GALNT14: variants seen among roughly 807,000 people sequenced by gnomAD.
GALNT14 encodes the protein polypeptide N-acetylgalactosaminyltransferase 14, also known as UDP-GalNAc:polypeptide N-acetylgalactosaminyltransferase 14.
A neutral mutation model predicts 77.5 loss-of-function variants in GALNT14; 60 were observed. The observed-to-expected ratio is 0.77, with a 90% CI of 0.63 to 0.96. GALNT14 has a LOEUF of 0.96. Ranked by LOEUF, GALNT14 falls within the 40% of genes least tolerant of loss-of-function variation. The pLI, the probability that GALNT14 is intolerant of heterozygous loss-of-function variation, is 0.00. For synonymous variants in GALNT14, 280 were observed against 281.7 expected (o/e 0.99, Z 0.06); for missense variants, 710 against 731.0 (o/e 0.97, Z 0.33).
chr2:30,899,865 GA>G, the GALNT14 span, among the ~76,000 whole-genome samples: 1 of 152,220 alleles, frequency 6.6e-6, no homozygotes, highest in African/African-American at 2.4e-5. Context: ...GATGATGCGG[GA>G]AAAGAGGCTC....
intron 2 of GALNT14, among the ~76,000 whole-genome samples, chr2:30,968,185 G>A (rs1265342797): frequency 6.6e-6 from 1 of 152,220 alleles, no homozygotes; most frequent in Non-Finnish European, 1.5e-5. Flanking sequence ...ACTAGAACAG[G>A]GTTTAAGTAT....
intron 2 of GALNT14, among the ~76,000 whole-genome samples, chr2:30,991,848 G>A (rs1324170376): frequency 3.3e-5 from 5 of 152,184 alleles, no homozygotes; most frequent in Non-Finnish European, 5.9e-5. Flanking sequence ...AACTGCCAGA[G>A]GAATCAGCCT....
chr2:31,097,833 G>A (rs908666281), intron 1 of GALNT14, among the ~76,000 whole-genome samples: 9 of 152,076 alleles, frequency 5.9e-5, no homozygotes, highest in African/African-American at 1.7e-4. Context: ...ATGAACAGAT[G>A]GGAAAGAACC....
At chr2:30,905,499 C>G (rs1383233972), downstream of GALNT14, among the ~76,000 whole-genome samples, 1,305 of 150,882 alleles carry the variant, frequency 8.6e-3, 18 homozygotes, top group African/African-American at 0.03. Flanking sequence ...AGCGAGACGG[C>G]AAGTTTAGAG....
chr2:31,050,933 A>G (rs1291838415), intron 1 of GALNT14, among the ~76,000 whole-genome samples: 2 of 152,158 alleles, frequency 1.3e-5, no homozygotes, highest in African/African-American at 4.8e-5. Context: ...AATTATAACT[A>G]AAGTGGAAAG....
chr2:30,971,039 C>A (rs1194693812), intron 2 of GALNT14, among the ~76,000 whole-genome samples: 1 of 152,024 alleles, frequency 6.6e-6, no homozygotes, highest in Non-Finnish European at 1.5e-5. Context: ...GTTCAAGGCA[C>A]CTGCCTTGGA....
chr2:31,130,734 C>CTGTGTGTGTGTGTG (rs4020220), intron 1 of GALNT14, among the ~76,000 whole-genome samples: 326 of 117,498 alleles, frequency 2.8e-3, no homozygotes, highest in Admixed American at 5.4e-3. Context: ...CAGGGTACCT[C>CTGTGTGTGTGTGTG]TGTGTGTGTG....
chr2:31,033,637 C>T (rs1672544113), intron 1 of GALNT14, among the ~76,000 whole-genome samples: 1 of 152,114 alleles, frequency 6.6e-6, no homozygotes, highest in South Asian at 2.1e-4. Flanking sequence ...CCTGCCCTGA[C>T]CCTTTGGCTC....
intron 1 of GALNT14, among the ~76,000 whole-genome samples, chr2:31,113,483 G>T (rs1230953175): frequency 6.6e-6 from 1 of 152,140 alleles, no homozygotes. Context: ...TGTTCTGAGG[G>T]GATCTCCTGT....
chr2:30,991,709 G>A (rs1347453050), intron 2 of GALNT14, among the ~76,000 whole-genome samples: 6 of 152,194 alleles, frequency 3.9e-5, no homozygotes, highest in African/African-American at 1.2e-4. Flanking sequence ...TTTTGGCAAT[G>A]ATGGGGATTA....
At chr2:31,102,007 G>C (rs764620847) in intron 1 of GALNT14, among the ~76,000 whole-genome samples, 2 of 152,070 alleles carry the variant, frequency 1.3e-5, no homozygotes, top group Non-Finnish European at 2.9e-5. Flanking sequence ...AAGATTGTAA[G>C]TTTCCTGAGG....
intron 3 of GALNT14, among the ~76,000 whole-genome samples, chr2:30,965,279 C>T (rs1667935555): frequency 6.6e-6 from 1 of 152,138 alleles, no homozygotes; most frequent in African/African-American, 2.4e-5. Flanking sequence ...TGTCAGTTTC[C>T]TCAGCTGTGA....
intron 1 of GALNT14, among the ~76,000 whole-genome samples, chr2:31,130,654 A>T (rs1357469722): frequency 6.6e-6 from 1 of 152,008 alleles, no homozygotes; most frequent in Non-Finnish European, 1.5e-5. Context: ...AGAAGGTCAC[A>T]TCAGGCCATT....
At chr2:30,928,932 T>A (rs1268449062) in intron 11 of GALNT14, among the ~76,000 whole-genome samples, 1 of 152,176 alleles carries the variant, frequency 6.6e-6, no homozygotes, top group African/African-American at 2.4e-5. Context: ...TAGCTTTTAA[T>A]AAACATTCCT....
chr2:30,930,534 A>AG (rs1665663786), intron 10 of GALNT14, among the ~76,000 whole-genome samples: 2 of 152,248 alleles, frequency 1.3e-5, no homozygotes, highest in African/African-American at 4.8e-5. Flanking sequence ...CAGGCGTACC[A>AG]GAAAGAGCCC....
At chr2:31,078,896 C>A in intron 1 of GALNT14, 1 of 1,288,304 alleles carries the variant, frequency 7.8e-7, no homozygotes, top group Middle Eastern at 2.1e-4. Context: ...GTTTGGGGAC[C>A]AGGAGAGCAA....
intron 2 of GALNT14, among the ~76,000 whole-genome samples, chr2:30,985,284 C>T (rs1669228067): frequency 6.6e-6 from 1 of 152,204 alleles, no homozygotes; most frequent in African/African-American, 2.4e-5. Flanking sequence ...GTTGACTGGT[C>T]CCCTTTTGAA....
In GALNT14 at chr2:30,924,788, C is replaced by T. The variant is rs146467165; in HGVS notation, c.1187G>A (p.Arg396His). ...CAGGTACCACTTGAAGCTCTGGCAG[C>T]GCAGATTCTTCCTCAGGTCCAATCT... The part of the protein sequence containing the change: ...ESRLDLRKNL[R>H]CQSFKWYLEN... Residue 396 changes from arginine to histidine, a missense_variant, in exon 12 of 15, where the codon CGC becomes CAC. By Grantham distance (29) the Arg-to-His change is conservative (BLOSUM62 0). Coordinates refer to ENST00000349752, the MANE Select transcript of GALNT14 (RefSeq NM_024572.4). The T allele has an allele frequency of 4.8e-5, 77 of 1,613,920 alleles. No homozygotes were observed. Among genetic ancestry groups the T allele is most frequent in the African/African-American group, 1.7e-4 (13 of 74,904 alleles).
intron 1 of GALNT14, among the ~76,000 whole-genome samples, chr2:31,093,111 G>A (rs1274071061): frequency 2.0e-5 from 3 of 152,150 alleles, no homozygotes; most frequent in African/African-American, 7.2e-5. Flanking sequence ...GAGAGGACAG[G>A]GTGCTATGTG....
Sources: gnomAD v4.1 joint callset for allele counts (sites outside exome capture counted in the v4.1 genomes callset) on GRCh38, gnomAD v4.1.1 for gene constraint, MANE v1.5 for transcripts, NCBI Gene and HGNC (gene_info 2026-07-23, HGNC 2026-07-21) for gene names.